The following CAPN12 variants were observed in gnomAD, a reference collection of about 807,000 sequenced individuals.
The protein encoded by CAPN12 is calpain-12.
In CAPN12, 107 loss-of-function variants were observed where a neutral mutation model predicts 95.0. The observed-to-expected ratio is 1.13, with a 90% CI of 0.96 to 1.32. The LOEUF is 1.32. CAPN12 is among the 40% of genes most tolerant of loss of function. CAPN12 has a pLI of 0.00. For missense variants in CAPN12, 1,136 were observed against 997.8 expected (o/e 1.14, Z -1.87); for synonymous variants, 505 against 415.5 (o/e 1.22, Z -2.62).
At chr19:38,731,962 G>A (rs1307867249) in intron 18 of CAPN12, among the ~76,000 whole-genome samples, 2 of 152,262 alleles carry the variant, frequency 1.3e-5, no homozygotes, top group Non-Finnish European at 2.9e-5. Context: ...CACTCCCTCT[G>A]GCATTCATCT....
At position 38,730,800 on chromosome 19, in the gene CAPN12, G is replaced by A. The variant is rs898111699; in HGVS notation, c.*52C>T. 3.2e-6 allele frequency: 5 copies of A among 1,548,056 alleles called. No individual in the cohort carries two copies. In the South Asian group the frequency reaches 3.6e-5, roughly 11 times the overall value. ...CATGCCAGGCAAGGCCTAGGGAGGTGGTCTTGCTCAGCAACCCTGCCCTGA... is the reference window on the plus strand; with the variant it reads ...CATGCCAGGCAAGGCCTAGGGAGGTAGTCTTGCTCAGCAACCCTGCCCTGA... On this transcript the variant is annotated 3_prime_UTR_variant, in exon 21 of 21. Coordinates refer to ENST00000328867, the MANE Select transcript of CAPN12 (RefSeq NM_144691.4).
In CAPN12 at chr19:38,730,978, A is replaced by ACCT; in HGVS notation, c.2119_2120insAGG (p.Leu707delinsGlnVal). Reference sequence around the variant, plus strand: ...CACCTGGCTCACCTGTCTGTGGGTCAGGCAGATGACCCCCTCACCCCCATC... The same window carrying ACCT: ...CACCTGGCTCACCTGTCTGTGGGTCACCTGGCAGATGACCCCCTCACCCCCATC... On this transcript the variant is annotated protein_altering_variant, in exon 20 of 21. Transcript: ENST00000328867. 6.4e-6 allele frequency: 10 copies of ACCT among 1,551,030 alleles called. No homozygotes were observed. Among genetic ancestry groups the ACCT allele is most frequent in the Middle Eastern group, 3.3e-4 (2 of 5,990 alleles).
intron 17 of CAPN12, 148 bp downstream of exon 17, chr19:38,733,994 G>A (rs1016134852): frequency 2.2e-5 from 19 of 879,678 alleles, no homozygotes; most frequent in African/African-American, 5.1e-5. Context: ...GGCTGGGTGG[G>A]GGCAGGGATA....
In CAPN12 at chr19:38,744,038, C is replaced by G; in HGVS notation, c.128G>C (p.Gly43Ala). Residue 43 changes from glycine to alanine, a missense_variant, in exon 1 of 21, where the codon GGG becomes GCG. Gly to Ala is a moderately conservative substitution (Grantham distance 60, BLOSUM62 0). Coordinates refer to ENST00000328867, the MANE Select transcript of CAPN12 (RefSeq NM_144691.4). Reference protein sequence around the residue: ...EAIRAACLDSGILFRDPYFPA... With the variant: ...EAIRAACLDSAILFRDPYFPA... Reference sequence around the variant, plus strand: ...GAAGTAAGGGTCGCGGAACAGGATCCCCGAATCCAGGCAGGCTGCCCGAAT... The same window carrying G: ...GAAGTAAGGGTCGCGGAACAGGATCGCCGAATCCAGGCAGGCTGCCCGAAT... 6.2e-7 allele frequency: 1 copy of G among 1,614,224 alleles called. No homozygotes were observed. Among genetic ancestry groups the G allele is most frequent in the African/African-American group, 1.3e-5 (1 of 75,066 alleles).
At chr19:38,732,581 T>C (rs1479339447) in intron 18 of CAPN12, among the ~76,000 whole-genome samples, 1 of 152,212 alleles carries the variant, frequency 6.6e-6, no homozygotes, top group Non-Finnish European at 1.5e-5. Flanking sequence ...AATCTGGCAA[T>C]CTGCCTGCCT....
chr19:38,730,805 TGCTC>T lies in CAPN12; in HGVS notation c.*43_*46del. ...CAGGCAAGGCCTAGGGAGGTGGTCTTGCTCAGCAACCCTGCCCTGAGCAGCAGGT... is the reference window on the plus strand; with the variant it reads ...CAGGCAAGGCCTAGGGAGGTGGTCTTAGCAACCCTGCCCTGAGCAGCAGGT... On this transcript the variant is annotated 3_prime_UTR_variant, in exon 21 of 21. Transcript: ENST00000328867. The T allele has an allele frequency of 6.5e-7, 1 of 1,549,782 alleles. No individual in the cohort carries two copies. The highest frequency in any genetic ancestry group is 1.4e-5 in the African/African-American group (1 of 73,174).
Position 38,730,815 on chromosome 19 carries a change from C to A in CAPN12, c.*37G>T. ...CTAGGGAGGTGGTCTTGCTCAGCAACCCTGCCCTGAGCAGCAGGTGCGCCC... is the reference window on the plus strand; with the variant it reads ...CTAGGGAGGTGGTCTTGCTCAGCAAACCTGCCCTGAGCAGCAGGTGCGCCC... On this transcript the variant is annotated 3_prime_UTR_variant, in exon 21 of 21. Transcript: ENST00000328867. 2 of 1,550,140 alleles carry A rather than the reference C, an allele frequency of 1.3e-6. No individual in the cohort carries two copies. The highest frequency in any genetic ancestry group is 1.7e-6 in the Non-Finnish European group (2 of 1,146,860).
Position 38,731,155 on chromosome 19 carries a change from C to T in CAPN12, c.2026G>A (p.Asp676Asn). 3 of 1,613,220 alleles carry T rather than the reference C, an allele frequency of 1.9e-6. No individual in the cohort carries two copies. The highest frequency in any genetic ancestry group is 2.5e-6 in the Non-Finnish European group (3 of 1,180,006). ...ACACAGGACACGAACCGCTCGAAGT[C>T]CACACGCAGACGGCTATCCCGGTAG... is the stretch of plus-strand genomic sequence containing the variant. Reference protein sequence around the residue: ...SRYRDSRLRVDFERFVSCVAH... With the variant: ...SRYRDSRLRVNFERFVSCVAH... The change falls in exon 19 of 21, where the codon GAC (aspartate) becomes AAC (asparagine). Residue 676 changes from aspartate (D) to asparagine (N), a missense_variant. Transcript: ENST00000328867.
chr19:38,733,330 A>T (rs1969771483), intron 18 of CAPN12: 2 of 216,742 alleles, frequency 9.2e-6, no homozygotes, highest in Non-Finnish European at 1.8e-5. Context: ...TGGAGTCAGT[A>T]GAGTGAGGAT....
chr19:38,730,859 A>T lies in CAPN12; in HGVS notation c.2153T>A (p.Phe718Tyr), dbSNP rs1351273068. ...TGCGCCCATCCGGAGATCCTAGGAG[A>T]AGGTGGCCACCTCCATCCACTAAGG... ...THRQWMEVATFS is the reference protein window; with the variant it reads ...THRQWMEVATYS Residue 718 changes from phenylalanine to tyrosine, a missense_variant, in exon 21 of 21, where the codon TTC becomes TAC. Phe to Tyr is a conservative substitution (Grantham distance 22, BLOSUM62 3). Transcript: ENST00000328867. 1.3e-6 allele frequency: 2 copies of T among 1,551,228 alleles called. No homozygotes were observed. Among genetic ancestry groups the T allele is most frequent in the African/African-American group, 1.4e-5 (1 of 73,102 alleles).
intron 8 of CAPN12, among the ~76,000 whole-genome samples, 186 bp downstream of exon 8, chr19:38,738,083 CCAAT>C (rs1298781456): frequency 1.3e-5 from 2 of 152,178 alleles, no homozygotes; most frequent in African/African-American, 2.4e-5. Flanking sequence ...TAAACCCACT[CCAAT>C]CAGAGGTTCT....
intron 12 of CAPN12, among the ~76,000 whole-genome samples, chr19:38,735,906 T>A (rs1599902604): frequency 4.5e-4 from 1 of 2,212 alleles, no homozygotes; most frequent in African/African-American, 1.2e-3. Flanking sequence ...GCGGGGGTTC[T>A]GGGGGCGGGG....
intron 5 of CAPN12, 104 bp downstream of exon 5, chr19:38,739,947 G>T: frequency 8.2e-7 from 1 of 1,224,196 alleles, no homozygotes; most frequent in Non-Finnish European, 1.1e-6. Flanking sequence ...GCCTAAGCCA[G>T]TAACGGAAGC....
intron 10 of CAPN12, 142 bp from the exon 11 acceptor site, chr19:38,736,705 T>C: frequency 1.8e-6 from 2 of 1,084,204 alleles, no homozygotes; most frequent in Non-Finnish European, 2.6e-6. Context: ...TGCCCCGCAG[T>C]CCCCGACCCA....
At position 38,735,962 on chromosome 19, in the gene CAPN12, GGGGGCGGGGC is replaced by G. The variant is rs1289808083; in HGVS notation, c.1583+138_1583+147del. ...GGGGGCGGGGCGGGGCGGGGGTTCTGGGGGCGGGGCGGGGCGGGGCAGGGGTTCTGGGGGC... is the reference window on the plus strand; with the variant it reads ...GGGGGCGGGGCGGGGCGGGGGTTCTGGGGGCGGGGCAGGGGTTCTGGGGGC... On this transcript the variant is annotated intron_variant, in intron 12 of 20. Coordinates refer to ENST00000328867, the MANE Select transcript of CAPN12 (RefSeq NM_144691.4). 13 of 35,754 alleles carry G rather than the reference GGGGGCGGGGC, an allele frequency of 3.6e-4. 1 individual carries two copies. The highest frequency in any genetic ancestry group is 5.1e-4 in the Non-Finnish European group (9 of 17,590). The allele number at this position is 35,754 out of a possible 1,614,324, so 2.2% of individuals were successfully genotyped here. A position where few individuals can be genotyped will look rare whatever the true frequency, so the allele number is the denominator to read the frequency against.
At position 38,730,610 on chromosome 19, in the gene CAPN12, G is replaced by A; in HGVS notation, c.*242C>T. 2 of 601,924 alleles carry A rather than the reference G, an allele frequency of 3.3e-6. No homozygotes were observed. Among genetic ancestry groups the A allele is most frequent in the South Asian group, 2.0e-5 (1 of 51,210 alleles). The allele number at this position is 601,924 out of a possible 1,614,324, so 37.3% of individuals were successfully genotyped here. A position where few individuals can be genotyped will look rare whatever the true frequency, so the allele number is the denominator to read the frequency against. ...GGAGAGCCAGGGCAGAGCTAGCACT[G>A]TCTTAAGCTGTCAACGTGGACTAGC... On this transcript the variant is annotated 3_prime_UTR_variant, in exon 21 of 21. Coordinates refer to ENST00000328867, the MANE Select transcript of CAPN12 (RefSeq NM_144691.4).
intron 18 of CAPN12, 177 bp downstream of exon 18, chr19:38,733,526 C>G (rs1372834877): frequency 3.4e-6 from 2 of 587,498 alleles, no homozygotes; most frequent in East Asian, 5.7e-5. Flanking sequence ...CTTCTCCTTC[C>G]TTATTTGGCC....
At chr19:38,734,898 C>G (rs1301133642) in intron 14 of CAPN12, 28 bp from the exon 15 acceptor site, 1 of 1,609,662 alleles carries the variant, frequency 6.2e-7, no homozygotes, top group East Asian at 2.2e-5. Context: ...GCTTGTGAGG[C>G]CATTTACTCA....
chr19:38,730,586 G>A lies in CAPN12; in HGVS notation c.*266C>T. ...CCTGTGTCTGTCCTCCACCTTCTAG[G>A]AGAGCCAGGGCAGAGCTAGCACTGT... is the stretch of plus-strand genomic sequence containing the variant. On this transcript the variant is annotated 3_prime_UTR_variant, in exon 21 of 21. Coordinates refer to ENST00000328867, the MANE Select transcript of CAPN12 (RefSeq NM_144691.4). 1 of 559,766 alleles carries A rather than the reference G, an allele frequency of 1.8e-6. No individual in the cohort carries two copies. Among genetic ancestry groups the A allele is most frequent in the Admixed American group, 3.2e-5 (1 of 31,734 alleles). 34.7% of individuals were successfully genotyped at this position (559,766 alleles called of 1,614,324 possible).
Sources: gnomAD v4.1 joint callset for allele counts (sites outside exome capture counted in the v4.1 genomes callset) on GRCh38, gnomAD v4.1.1 for gene constraint, MANE v1.5 for transcripts, NCBI Gene and HGNC (gene_info 2026-07-23, HGNC 2026-07-21) for gene names.